Variants in TNNI3K observed in about 807,000 individuals in gnomAD.
TNNI3K encodes TNNI3 interacting kinase.
In TNNI3K, 140 loss-of-function variants were observed where a neutral mutation model predicts 114.5. The observed-to-expected ratio is 1.22, with a 90% CI of 1.07 to 1.41. The LOEUF is 1.41. Among genes scored for constraint, TNNI3K ranks in the 40% most tolerant of loss-of-function variants. TNNI3K has a pLI of 0.00. For missense variants in TNNI3K, 1,125 were observed against 1,007.6 expected (o/e 1.12, Z -1.58); for synonymous variants, 347 against 347.5 (o/e 1.00, Z 0.02).
intron 4 of TNNI3K, among the ~76,000 whole-genome samples, chr1:74,266,687 T>C (rs774226811): frequency 1.1e-4 from 17 of 151,992 alleles, no homozygotes; most frequent in Non-Finnish European, 2.4e-4. Context: ...AATATGGTAG[T>C]AGAGGATTTG....
At chr1:74,270,352 A>T (rs897161140) in intron 4 of TNNI3K, among the ~76,000 whole-genome samples, 6 of 151,724 alleles carry the variant, frequency 4.0e-5, no homozygotes, top group African/African-American at 1.5e-4. Flanking sequence ...AGATAAAATC[A>T]GCTTAGCTTC....
At chr1:74,535,243 G>A (rs1267926433) in intron 23 of TNNI3K, among the ~76,000 whole-genome samples, 2 of 152,108 alleles carry the variant, frequency 1.3e-5, no homozygotes, top group Non-Finnish European at 2.9e-5. Context: ...TTGGGAGGTC[G>A]AGGTGGGTGG....
intron 17 of TNNI3K, among the ~76,000 whole-genome samples, chr1:74,413,175 G>T (rs1329481783): frequency 6.6e-6 from 1 of 152,092 alleles, no homozygotes; most frequent in Non-Finnish European, 1.5e-5. Context: ...TTTCCCATGT[G>T]CTGGACACTG....
At chr1:74,346,645 T>C (rs932419595) in intron 9 of TNNI3K, among the ~76,000 whole-genome samples, 2 of 149,914 alleles carry the variant, frequency 1.3e-5, no homozygotes, top group African/African-American at 4.9e-5. Context: ...GGCTCTCTTA[T>C]ATACATGTGT....
chr1:74,291,736 A>G (rs1657688838), intron 5 of TNNI3K, among the ~76,000 whole-genome samples: 1 of 151,418 alleles, frequency 6.6e-6, no homozygotes, highest in Non-Finnish European at 1.5e-5. Context: ...CCCAAGACTC[A>G]ATTTCATAAA....
At chr1:74,518,273 G>T (rs1442708590) in intron 23 of TNNI3K, among the ~76,000 whole-genome samples, 2 of 152,110 alleles carry the variant, frequency 1.3e-5, no homozygotes, top group Non-Finnish European at 2.9e-5. Flanking sequence ...AGAATCATTA[G>T]GTCATTAACA....
At chr1:74,350,495 A>G (rs1661279776) in intron 9 of TNNI3K, among the ~76,000 whole-genome samples, 1 of 152,196 alleles carries the variant, frequency 6.6e-6, no homozygotes, top group Non-Finnish European at 1.5e-5. Context: ...CACTTGGTGC[A>G]GAGCTGAGTT....
chr1:74,289,425 G>GTA (rs1486967530), intron 5 of TNNI3K, among the ~76,000 whole-genome samples: 1 of 151,926 alleles, frequency 6.6e-6, no homozygotes. Flanking sequence ...ACAAAAGAGA[G>GTA]TAATGGGGTT....
At chr1:74,290,934 A>T (rs1024917800) in intron 5 of TNNI3K, among the ~76,000 whole-genome samples, 1 of 151,818 alleles carries the variant, frequency 6.6e-6, no homozygotes, top group African/African-American at 2.4e-5. Context: ...TATTTAAAAA[A>T]TACAGCAGAC....
At chr1:74,323,958 T>G (rs1044508318) in intron 5 of TNNI3K, among the ~76,000 whole-genome samples, 3 of 152,026 alleles carry the variant, frequency 2.0e-5, no homozygotes, top group Non-Finnish European at 4.4e-5. Flanking sequence ...ACTCGAAAAT[T>G]GTGGTGTCAA....
At chr1:74,527,875 T>A (rs1646523588) in intron 23 of TNNI3K, among the ~76,000 whole-genome samples, 1 of 152,032 alleles carries the variant, frequency 6.6e-6, no homozygotes, top group Non-Finnish European at 1.5e-5. Context: ...GTGTGGAGAA[T>A]GTCTATGTGG....
At chr1:74,407,699 G>A (rs1664683478) in intron 17 of TNNI3K, among the ~76,000 whole-genome samples, 1 of 152,072 alleles carries the variant, frequency 6.6e-6, no homozygotes, top group Admixed American at 6.6e-5. Context: ...AAGTGAAGAG[G>A]AGATACCTGG....
intron 21 of TNNI3K, among the ~76,000 whole-genome samples, chr1:74,487,552 A>G (rs1393432322): frequency 6.6e-6 from 1 of 152,132 alleles, no homozygotes; most frequent in African/African-American, 2.4e-5. Context: ...CAAATGCAAG[A>G]TGAAGCAAGG....
chr1:74,301,939 T>C (rs936089905), intron 5 of TNNI3K, among the ~76,000 whole-genome samples: 4 of 152,334 alleles, frequency 2.6e-5, no homozygotes, highest in Middle Eastern at 3.4e-3. Flanking sequence ...ATTTACCAAG[T>C]GCCTATTGGT....
chr1:74,426,616 C>A (rs1178740504), intron 17 of TNNI3K, among the ~76,000 whole-genome samples: 8 of 152,022 alleles, frequency 5.3e-5, no homozygotes. Context: ...TTTATTCTCT[C>A]CTCTCCCTGG....
chr1:74,473,656 AAACT>A (rs1668049716), intron 21 of TNNI3K, among the ~76,000 whole-genome samples: 1 of 152,036 alleles, frequency 6.6e-6, no homozygotes, highest in Non-Finnish European at 1.5e-5. Context: ...CCCAAGAGGT[AAACT>A]AAGTTCCAGA....
At chr1:74,264,503 T>C (rs551017890) in intron 4 of TNNI3K, among the ~76,000 whole-genome samples, 1 of 152,232 alleles carries the variant, frequency 6.6e-6, no homozygotes, top group South Asian at 2.1e-4. Context: ...CCTTTTTCTT[T>C]ATAAAAACAA....
At chr1:74,321,106 A>G in intron 5 of TNNI3K, among the ~76,000 whole-genome samples, 1 of 152,182 alleles carries the variant, frequency 6.6e-6, no homozygotes, top group East Asian at 1.9e-4. Flanking sequence ...TGGCTTTTAA[A>G]ATGCATAGAA....
intron 23 of TNNI3K, among the ~76,000 whole-genome samples, chr1:74,515,863 A>T (rs984167): frequency 0.082 from 12,443 of 152,270 alleles, 1,126 homozygotes; most frequent in African/African-American, 0.22. Flanking sequence ...ATTAGTTATT[A>T]AAAGGACTAT....
Sources: allele counts gnomAD v4.1 joint callset (sites outside exome capture counted in the v4.1 genomes callset), GRCh38; gene constraint gnomAD v4.1.1; transcripts MANE v1.5; gene names NCBI Gene and HGNC (gene_info 2026-07-23, HGNC 2026-07-21).